PCSK6: variants seen among roughly 807,000 people sequenced by gnomAD.
The protein encoded by PCSK6 is paired basic amino acid cleaving enzyme 4.
PCSK6 carries 85 observed loss-of-function variants against 123.3 expected under a neutral mutation model. The ratio of observed to expected loss-of-function variants is 0.69; its 90% confidence interval spans 0.58 to 0.83. The LOEUF (loss-of-function observed/expected upper bound fraction) is 0.83. PCSK6 is among the 40% of genes least tolerant of loss of function. The pLI is 0.00. For synonymous variants in PCSK6, 508 were observed against 516.0 expected, an observed-to-expected ratio of 0.98 and a Z score of 0.21; for missense variants, 1,191 against 1,282.3, an observed-to-expected ratio of 0.93 and a Z score of 1.09.
chr15:101,472,478 G>T (rs1171254426), intron 1 of PCSK6, among the ~76,000 whole-genome samples: 1 of 152,254 alleles, frequency 6.6e-6, no homozygotes, highest in Admixed American at 6.5e-5. Context: ...CATGCAACCT[G>T]ACAGCACGAT....
At chr15:101,463,120 G>T (rs150339071) in intron 1 of PCSK6, 1 of 458,532 alleles carries the variant, frequency 2.2e-6, no homozygotes, top group Non-Finnish European at 4.4e-6. Context: ...ACCTGGAGCC[G>T]TTGAGCATCA....
At chr15:101,351,582 A>G (rs1300223383) in intron 13 of PCSK6, among the ~76,000 whole-genome samples, 1 of 152,254 alleles carries the variant, frequency 6.6e-6, no homozygotes, top group African/African-American at 2.4e-5. Context: ...GCTAAATGGA[A>G]TTTATAATAC....
chr15:101,441,931 C>G (rs1334586236), intron 2 of PCSK6, among the ~76,000 whole-genome samples: 1 of 152,178 alleles, frequency 6.6e-6, no homozygotes, highest in African/African-American at 2.4e-5. Flanking sequence ...TCCAAGATGA[C>G]AGATGACGGT....
At chr15:101,313,658 C>CCGTCCT (rs1276325309) in intron 19 of PCSK6, 153 bp from the exon 20 acceptor site, 5 of 1,102,486 alleles carry the variant, frequency 4.5e-6, no homozygotes, top group Non-Finnish European at 6.3e-6. Context: ...GTGAGCTGGG[C>CCGTCCT]CGTCCTCACC....
rs369541770 is a variant in PCSK6, at chr15:101,313,365, G to A, written c.2699+11C>T. 2.5e-6 allele frequency: 4 copies of A among 1,612,750 alleles called. No individual in the cohort carries two copies. The highest frequency in any genetic ancestry group is 3.4e-6 in the Non-Finnish European group (4 of 1,179,866). ...ACAGCTGCCTGCCGTTCCCCGCCAG[G>A]AGGACCGTACCTTCGACACACTTTG... is the stretch of plus-strand genomic sequence containing the variant. On this transcript the variant is annotated intron_variant, in intron 20 of 21. Coordinates refer to ENST00000611716, the MANE Select transcript of PCSK6 (RefSeq NM_002570.5).
chr15:101,331,806 A>G (rs1258885595), intron 14 of PCSK6, 46 bp downstream of exon 14: 1 of 1,608,428 alleles, frequency 6.2e-7, no homozygotes, highest in East Asian at 2.2e-5. Context: ...CTGGACAATC[A>G]AAGCTCGTGG....
At chr15:101,451,678 G>A (rs1001582625) in intron 1 of PCSK6, among the ~76,000 whole-genome samples, 2 of 152,198 alleles carry the variant, frequency 1.3e-5, no homozygotes, top group Non-Finnish European at 2.9e-5. Context: ...CTGTCTTCAG[G>A]GCCGGCATCT....
intron 18 of PCSK6, among the ~76,000 whole-genome samples, chr15:101,320,988 A>T (rs929990685): frequency 1.3e-5 from 2 of 152,102 alleles, no homozygotes; most frequent in African/African-American, 4.8e-5. Context: ...ACAGGATGGG[A>T]CGGGATGCAT....
rs779743114 is a variant in PCSK6 at position 101,430,043 on chromosome 15, G to A, written c.678C>T (p.Asp226=). The A allele has an allele frequency of 8.4e-5, 135 of 1,613,684 alleles. No homozygotes were observed. The highest frequency in any genetic ancestry group is 4.9e-4 in the Middle Eastern group (3 of 6,084). The change falls in exon 5 of 22, where the codon GAC becomes GAT. Residue 226 remains aspartate, a synonymous_variant. Transcript: ENST00000611716. ...APNYDSYASY[D]VNGNDYDPSP... Reference sequence around the variant, plus strand: ...ATGGGTCATAATCATTGCCGTTCACGTCGTAGCTGGCGTAGGAATCCTAAG... The same window carrying A: ...ATGGGTCATAATCATTGCCGTTCACATCGTAGCTGGCGTAGGAATCCTAAG...
intron 13 of PCSK6, 45 bp downstream of exon 13, chr15:101,366,151 G>C (rs371376541): frequency 1.3e-6 from 2 of 1,576,900 alleles, no homozygotes; most frequent in Non-Finnish European, 1.7e-6. Context: ...GTAAAAAGAG[G>C]CTTGAGATAC....
chr15:101,387,243 G>A (rs536467268), intron 9 of PCSK6, among the ~76,000 whole-genome samples: 46 of 152,286 alleles, frequency 3.0e-4, no homozygotes, highest in African/African-American at 1.1e-3. Context: ...CTGAGGCCTC[G>A]AGTAGCCCAT....
rs1352155600 is a variant in PCSK6, at chr15:101,398,975, T to C, written c.824-399A>G. ...TGGAGGGCAGTGGTGCAATCTCGGC[T>C]CACTGCAAGCTCCACCTCCCGGGTT... On this transcript the variant is annotated intron_variant, in intron 6 of 21. Transcript: ENST00000611716. This position sits in a 1 kb window ranked among gnomAD's most constrained non-coding sequence, Gnocchi z 4.6. Among the ~76,000 whole-genome samples, 1 of 152,084 alleles carries C rather than the reference T, an allele frequency of 6.6e-6. No homozygotes were observed. The highest frequency in any genetic ancestry group is 1.9e-4 in the East Asian group (1 of 5,198).
chr15:101,365,061 G>T, intron 13 of PCSK6: 1 of 756,422 alleles, frequency 1.3e-6, no homozygotes, highest in Non-Finnish European at 2.5e-6. Context: ...GGTAAAGAAT[G>T]CATTTTTCAG....
chr15:101,399,633 TC>T (rs2042526804), intron 6 of PCSK6, among the ~76,000 whole-genome samples: 1 of 151,984 alleles, frequency 6.6e-6, no homozygotes, highest in Admixed American at 6.6e-5. Context: ...CAACAGTGCC[TC>T]CCCCAGAGAA....
chr15:101,305,280 C>A lies in PCSK6; in HGVS notation c.2888G>T (p.Arg963Leu). 3.7e-6 allele frequency: 6 copies of A among 1,611,788 alleles called. No individual in the cohort carries two copies. The highest frequency in any genetic ancestry group is 5.1e-6 in the Non-Finnish European group (6 of 1,179,582). Residue 963 changes from arginine (R) to leucine (L), a missense_variant, in exon 22 of 22, where the codon CGC (arginine) becomes CTC (leucine). By Grantham distance (102) the Arg-to-Leu change is moderately radical (BLOSUM62 -2). Around this residue, in one of 3 missense-constraint regions of PCSK6, gnomAD observed 630 missense variants for 631.4 expected, o/e 1.00. Transcript: ENST00000611716. The surrounding 1 kb of genome is among the most constrained non-coding windows in gnomAD (Gnocchi z 4.8). ...ERKLFIQFCC[R>L]TCLLAG ...CCCTTACCCGGCCAGGAGGCACGTG[C>A]GGCAGCAGAACTGAATGAAGAGCTT...
rs2040765955 is a variant in PCSK6, at chr15:101,347,483, G to A, written c.1859-15452C>T. On this transcript the variant is annotated intron_variant, in intron 13 of 21. Transcript: ENST00000611716. Reference sequence around the variant, plus strand: ...CTTCCCCTTCATTAAACATTTTACTGAGTATGTACAGCTGAAGACAGAACT... The same window carrying A: ...CTTCCCCTTCATTAAACATTTTACTAAGTATGTACAGCTGAAGACAGAACT... The A allele has an allele frequency of 7.0e-6, 9 of 1,291,970 alleles. No homozygotes were observed. The South Asian group carries it at 1.2e-4, about 17-fold the overall frequency. The allele number at this position is 1,291,970 out of a possible 1,614,324, so 80.0% of individuals were successfully genotyped here.
chr15:101,370,602 G>A (rs575886376), intron 11 of PCSK6, 79 bp from the exon 12 acceptor site: 61 of 1,299,474 alleles, frequency 4.7e-5, no homozygotes, highest in South Asian at 4.7e-4. Flanking sequence ...TCCAGCGCCC[G>A]TCCACTCTAT....
At chr15:101,365,833 C>A in intron 13 of PCSK6, 1 of 172,570 alleles carries the variant, frequency 5.8e-6, no homozygotes, top group Non-Finnish European at 1.2e-5. Flanking sequence ...ATTATTTCAT[C>A]TATATGAAAT....
intron 6 of PCSK6, among the ~76,000 whole-genome samples, chr15:101,426,980 G>A (rs1304212876): frequency 2.6e-5 from 4 of 152,220 alleles, no homozygotes; most frequent in Non-Finnish European, 4.4e-5. Context: ...GCAGTCCCTG[G>A]AGGCCCTCTG....
Sources: gnomAD v4.1 joint callset for allele counts (sites outside exome capture counted in the v4.1 genomes callset) on GRCh38, gnomAD v4.1.1 for gene constraint, gnomAD v4.1.1 regional missense constraint, Gnocchi (gnomAD v3.1) non-coding constraint, MANE v1.5 for transcripts, NCBI Gene and HGNC (gene_info 2026-07-23, HGNC 2026-07-21) for gene names.